The following NLN variants were observed in gnomAD, a reference collection of about 807,000 sequenced individuals.
The protein encoded by NLN is neurolysin, mitochondrial.
NLN carries 64 observed loss-of-function variants against 79.9 expected under a neutral mutation model. That is an observed-to-expected ratio of 0.80 (90% CI 0.65 to 0.99). The LOEUF (loss-of-function observed/expected upper bound fraction) is 0.99. Among genes scored for constraint, NLN ranks in the 50% least tolerant of loss-of-function variants. The pLI, the probability that NLN is intolerant of heterozygous loss-of-function variation, is 0.00. For missense variants in NLN, 835 were observed against 858.7 expected, an observed-to-expected ratio of 0.97 and a Z score of 0.34; for synonymous variants, 267 against 296.6, an observed-to-expected ratio of 0.90 and a Z score of 1.02.
chr5:65,823,675 T>A lies in NLN; in HGVS notation c.*760T>A, dbSNP rs954614512. 10 of 152,138 alleles carry A rather than the reference T, an allele frequency of 6.6e-5. No homozygotes were observed. Among genetic ancestry groups the A allele is most frequent in the African/African-American group, 2.4e-4 (10 of 41,420 alleles). The allele number at this position is 152,138 out of a possible 1,614,324, so 9.4% of individuals were successfully genotyped here. ...CCACCTCAGCATACAAGATCGTTAGTCTTTTGGCATGTGTGCCAATTAGAA... is the reference window on the plus strand; with the variant it reads ...CCACCTCAGCATACAAGATCGTTAGACTTTTGGCATGTGTGCCAATTAGAA... On this transcript the variant is annotated 3_prime_UTR_variant, in exon 13 of 13. Transcript: ENST00000380985.
chr5:65,822,684 C>T (rs1306608224), intron 12 of NLN, 97 bp from the exon 13 acceptor site: 1 of 879,708 alleles, frequency 1.1e-6, no homozygotes, highest in Non-Finnish European at 1.9e-6. Context: ...GGCTAAAGTC[C>T]TTTTTCCTTC....
chr5:65,810,101 G>T lies in NLN; in HGVS notation c.1779G>T (p.Ser593=), dbSNP rs750131777. 6.2e-7 allele frequency: 1 copy of T among 1,613,644 alleles called. No individual in the cohort carries two copies. The highest frequency in any genetic ancestry group is 1.3e-5 in the African/African-American group (1 of 74,892). ...KVDQSLHTNT[S]LDAASEYAKY... is the part of the protein sequence containing the mutation. Reference sequence around the variant, plus strand: ...ATCAGTCTCTTCATACCAACACATCGCTGGATGCTGCAAGTGAATATGCCA... The same window carrying T: ...ATCAGTCTCTTCATACCAACACATCTCTGGATGCTGCAAGTGAATATGCCA... The change falls in exon 11 of 13, where the codon TCG becomes TCT. Residue 593 remains serine (S), a synonymous_variant. Coordinates refer to ENST00000380985, the MANE Select transcript of NLN (RefSeq NM_020726.5).
chr5:65,724,930 T>C (rs983120479), intron 1 of NLN, among the ~76,000 whole-genome samples: 2 of 151,584 alleles, frequency 1.3e-5, no homozygotes, highest in African/African-American at 4.9e-5. Flanking sequence ...GCCTCCCAAG[T>C]AGCTGGGACT....
chr5:65,775,846 A>G (rs1416154225), intron 3 of NLN, among the ~76,000 whole-genome samples: 1 of 152,238 alleles, frequency 6.6e-6, no homozygotes, highest in Non-Finnish European at 1.5e-5. Context: ...CAAATTCTCC[A>G]GGGATACAAA....
chr5:65,763,059 T>C lies in NLN; in HGVS notation c.401T>C (p.Ile134Thr), dbSNP rs748696763. Residue 134 changes from isoleucine to threonine, a missense_variant, in exon 3 of 13, where the codon ATT (isoleucine) becomes ACT (threonine). Physicochemically the swap from Ile to Thr is moderately conservative, Grantham distance 89. Transcript: ENST00000380985. ...EADKRLSRFDIEMSMRGDIFE... is the reference protein window; with the variant it reads ...EADKRLSRFDTEMSMRGDIFE... ...GACAAAAGACTTTCTCGTTTTGATA[T>C]TGAGATGAGCATGAGAGGAGATATA... 2.1e-5 allele frequency: 34 copies of C among 1,613,632 alleles called. No individual in the cohort carries two copies. Among genetic ancestry groups the C allele is most frequent in the Non-Finnish European group, 2.4e-5 (28 of 1,179,764 alleles).
At chr5:65,739,204 A>G (rs778129302) in intron 1 of NLN, among the ~76,000 whole-genome samples, 3 of 151,316 alleles carry the variant, frequency 2.0e-5, no homozygotes, top group Non-Finnish European at 4.4e-5. Flanking sequence ...TGCCTGGCCA[A>G]TTCTACTTTC....
chr5:65,819,095 C>G (rs1274875363), intron 12 of NLN: 1 of 152,148 alleles, frequency 6.6e-6, no homozygotes, highest in Non-Finnish European at 1.5e-5. Flanking sequence ...ATTATGTATT[C>G]TATTTCTTAC....
intron 3 of NLN, among the ~76,000 whole-genome samples, chr5:65,763,776 GT>G (rs1759393662): frequency 2.0e-5 from 3 of 151,692 alleles, no homozygotes; most frequent in Non-Finnish European, 2.9e-5. Context: ...CGTGACAAGA[GT>G]TGGAATATTT....
chr5:65,748,013 C>T (rs1176149736), intron 1 of NLN, among the ~76,000 whole-genome samples: 2 of 152,040 alleles, frequency 1.3e-5, no homozygotes, highest in East Asian at 1.9e-4. Flanking sequence ...CCAGCCTGGT[C>T]AACATGGTGA....
At chr5:65,738,350 G>A (rs904876046) in intron 1 of NLN, among the ~76,000 whole-genome samples, 5 of 152,008 alleles carry the variant, frequency 3.3e-5, no homozygotes, top group Non-Finnish European at 5.9e-5. Flanking sequence ...CTAGGAGGAT[G>A]AGGCAGGAGG....
intron 8 of NLN, among the ~76,000 whole-genome samples, chr5:65,791,458 T>G (rs1459069812): frequency 6.6e-6 from 1 of 152,192 alleles, no homozygotes; most frequent in African/African-American, 2.4e-5. Context: ...CTCTAGAGGC[T>G]GAGGCAGGAG....
intron 2 of NLN, among the ~76,000 whole-genome samples, chr5:65,761,700 G>A (rs1006045030): frequency 8.5e-5 from 13 of 152,180 alleles, no homozygotes; most frequent in African/African-American, 2.9e-4. Context: ...TTAACCGACA[G>A]ACATAAAATT....
intron 1 of NLN, among the ~76,000 whole-genome samples, chr5:65,730,603 C>T (rs1176979769): frequency 6.6e-6 from 1 of 150,704 alleles, no homozygotes; most frequent in Non-Finnish European, 1.5e-5. Flanking sequence ...ATTGCTCGGG[C>T]TAGAGTGCAA....
intron 9 of NLN, among the ~76,000 whole-genome samples, chr5:65,794,524 G>A (rs1005857560): frequency 1.3e-5 from 2 of 151,822 alleles, no homozygotes; most frequent in African/African-American, 4.8e-5. Flanking sequence ...AGGATTGCCT[G>A]AGCCCAGGAG....
intron 11 of NLN, among the ~76,000 whole-genome samples, chr5:65,811,762 C>T (rs10940051): frequency 0.26 from 38,966 of 151,062 alleles, 5,271 homozygotes; most frequent in African/African-American, 0.33. Context: ...GCTGAGGTTG[C>T]ATTGAGCCGA....
intron 3 of NLN, among the ~76,000 whole-genome samples, chr5:65,768,982 C>CA (rs1242243981): frequency 6.6e-6 from 1 of 152,250 alleles, no homozygotes; most frequent in African/African-American, 2.4e-5. Flanking sequence ...AGAGCGTCTC[C>CA]ATGTGGTTCA....
At chr5:65,778,475 T>C (rs569438621) in intron 4 of NLN, among the ~76,000 whole-genome samples, 9 of 152,320 alleles carry the variant, frequency 5.9e-5, no homozygotes, top group South Asian at 4.1e-4. Flanking sequence ...CCTTGTATCC[T>C]CTTCCTTCAC....
At chr5:65,756,326 C>T (rs187397021) in intron 1 of NLN, among the ~76,000 whole-genome samples, 5 of 152,148 alleles carry the variant, frequency 3.3e-5, no homozygotes, top group East Asian at 3.9e-4. Context: ...TTTTTTCCCC[C>T]AAAAAGCCTC....
chr5:65,793,473 C>G (rs1031670684), intron 9 of NLN: 8 of 152,078 alleles, frequency 5.3e-5, no homozygotes, highest in African/African-American at 1.7e-4. Context: ...CGTGGTAAAA[C>G]AAACAAAAAT....
Sources: allele counts gnomAD v4.1 joint callset (sites outside exome capture counted in the v4.1 genomes callset), GRCh38; gene constraint gnomAD v4.1.1; transcripts MANE v1.5; gene names NCBI Gene and HGNC (gene_info 2026-07-23, HGNC 2026-07-21).